LRP1B: variants seen among roughly 807,000 people sequenced by gnomAD.
LRP1B encodes the protein LDL receptor related protein 1B.
In LRP1B, 217 loss-of-function variants were observed where a neutral mutation model predicts 556.6. The ratio of observed to expected loss-of-function variants is 0.39; its 90% CI spans 0.35 to 0.44. The LOEUF (loss-of-function observed/expected upper bound fraction) is 0.44. Among genes scored for constraint, LRP1B ranks in the 20% least tolerant of loss-of-function variants. The probability of loss-of-function intolerance (pLI) is 1.00; values close to 1 mark genes in which losing one functional copy is unlikely to be tolerated. For synonymous variants in LRP1B, 2,047 were observed against 1,865.8 expected (o/e 1.10, Z -2.50); for missense variants, 5,053 against 5,620.8 (o/e 0.90, Z 3.23).
At chr2:142,009,977 T>C (rs1425099447) in intron 1 of LRP1B, among the ~76,000 whole-genome samples, 3 of 152,142 alleles carry the variant, frequency 2.0e-5, no homozygotes, top group Admixed American at 2.0e-4. Flanking sequence ...AGTATACATG[T>C]ATGTGTATAT....
At chr2:140,288,730 G>T (rs532296543) in intron 84 of LRP1B, among the ~76,000 whole-genome samples, 49 of 149,728 alleles carry the variant, frequency 3.3e-4, no homozygotes, top group African/African-American at 1.1e-3. Flanking sequence ...GCCATGCATT[G>T]TTTTTTTTTC....
chr2:141,603,055 A>G (rs1458041159), intron 2 of LRP1B, among the ~76,000 whole-genome samples: 1 of 152,204 alleles, frequency 6.6e-6, no homozygotes, highest in East Asian at 1.9e-4. Context: ...CTCATAAAAG[A>G]CACAAAATAA....
At chr2:141,912,276 T>G (rs989248075) in intron 1 of LRP1B, among the ~76,000 whole-genome samples, 2 of 152,184 alleles carry the variant, frequency 1.3e-5, no homozygotes, top group African/African-American at 4.8e-5. Flanking sequence ...TTTTTATGTA[T>G]AATTCCACTA....
chr2:140,880,913 A>G (rs996733402), intron 25 of LRP1B, among the ~76,000 whole-genome samples: 2 of 152,168 alleles, frequency 1.3e-5, no homozygotes, highest in African/African-American at 4.8e-5. Flanking sequence ...GCACAAGTAT[A>G]TATTCAAAGA....
chr2:141,213,132 T>G (rs576102874), intron 6 of LRP1B, among the ~76,000 whole-genome samples: 1 of 147,184 alleles, frequency 6.8e-6, no homozygotes, highest in African/African-American at 2.6e-5. Context: ...TTTTTTTTTT[T>G]GTAAAGATGA....
chr2:141,871,811 G>T (rs1240691678), intron 1 of LRP1B, among the ~76,000 whole-genome samples: 1 of 151,930 alleles, frequency 6.6e-6, no homozygotes, highest in Non-Finnish European at 1.5e-5. Flanking sequence ...ACACTTCAAA[G>T]TCATACAGAT....
chr2:140,581,210 T>A (rs1353620323), intron 43 of LRP1B, among the ~76,000 whole-genome samples: 1 of 152,226 alleles, frequency 6.6e-6, no homozygotes, highest in Non-Finnish European at 1.5e-5. Flanking sequence ...TCAAAATGAC[T>A]TTAGACACTT....
At chr2:141,069,664 A>T (rs1315531081) in intron 7 of LRP1B, among the ~76,000 whole-genome samples, 1 of 152,022 alleles carries the variant, frequency 6.6e-6, no homozygotes, top group East Asian at 1.9e-4. Flanking sequence ...TGCCAAATCT[A>T]ACTGCCTAAA....
intron 3 of LRP1B, among the ~76,000 whole-genome samples, chr2:141,308,467 T>C (rs1327030372): frequency 6.6e-6 from 1 of 152,204 alleles, no homozygotes; most frequent in Non-Finnish European, 1.5e-5. Context: ...TCATGAATTT[T>C]CAACTCACAA....
chr2:140,365,777 T>C (rs1682733325), intron 71 of LRP1B, among the ~76,000 whole-genome samples: 1 of 151,658 alleles, frequency 6.6e-6, no homozygotes, highest in East Asian at 1.9e-4. Flanking sequence ...ACGTAAGAGA[T>C]ACAATTCATG....
At chr2:140,735,506 A>G (rs1206839972) in intron 35 of LRP1B, among the ~76,000 whole-genome samples, 1 of 152,180 alleles carries the variant, frequency 6.6e-6, no homozygotes, top group African/African-American at 2.4e-5. Flanking sequence ...TCAAATGTTC[A>G]GCAAAGGCAG....
intron 2 of LRP1B, among the ~76,000 whole-genome samples, chr2:141,749,774 G>A (rs1224907406): frequency 2.6e-5 from 4 of 152,078 alleles, no homozygotes; most frequent in Non-Finnish European, 4.4e-5. Flanking sequence ...CAGGGAAATG[G>A]TTAACTAAAT....
intron 20 of LRP1B, among the ~76,000 whole-genome samples, chr2:140,945,059 G>T (rs1695502444): frequency 6.6e-6 from 1 of 152,018 alleles, no homozygotes; most frequent in Non-Finnish European, 1.5e-5. Flanking sequence ...AAAATTTCAG[G>T]ATACAAAGGC....
intron 3 of LRP1B, among the ~76,000 whole-genome samples, chr2:141,413,146 G>A (rs187651409): frequency 5.9e-5 from 9 of 152,144 alleles, no homozygotes; most frequent in Admixed American, 2.6e-4. Context: ...AGGATTGCTT[G>A]AGCCCGGGAG....
At chr2:142,005,716 A>C (rs1442702941) in intron 1 of LRP1B, among the ~76,000 whole-genome samples, 1 of 152,096 alleles carries the variant, frequency 6.6e-6, no homozygotes, top group Non-Finnish European at 1.5e-5. Flanking sequence ...TAATTTATCA[A>C]ACTTGCAAAG....
At chr2:140,431,428 TC>T (rs1281292143) in intron 66 of LRP1B, among the ~76,000 whole-genome samples, 1 of 152,068 alleles carries the variant, frequency 6.6e-6, no homozygotes, top group Non-Finnish European at 1.5e-5. Flanking sequence ...AAACTTGTCA[TC>T]CCTACTATCT....
chr2:141,111,371 T>A lies in LRP1B; in HGVS notation c.1014-49098A>T, dbSNP rs1700745792. Among the ~76,000 whole-genome samples, 2 of 146,944 alleles carry A rather than the reference T, an allele frequency of 1.4e-5. 1 individual carries two copies. Among genetic ancestry groups the A allele is most frequent in the Non-Finnish European group, 3.0e-5 (2 of 66,194 alleles). ...GTACAGTTAATCCTCATTATTCAGA[T>A]TTCATATTTGCAAATTTGTTTACTT... is the stretch of plus-strand genomic sequence containing the variant. On this transcript the variant is annotated intron_variant, in intron 7 of 90. Transcript: ENST00000389484.
chr2:141,146,732 AC>A (rs1413589026), intron 7 of LRP1B, among the ~76,000 whole-genome samples: 5 of 152,178 alleles, frequency 3.3e-5, no homozygotes, highest in African/African-American at 1.2e-4. Context: ...TATGATATTA[AC>A]GCATAGAAGA....
intron 18 of LRP1B, among the ~76,000 whole-genome samples, chr2:140,981,648 A>T (rs2105342752): frequency 6.6e-6 from 1 of 152,300 alleles, no homozygotes; most frequent in South Asian, 2.1e-4. Flanking sequence ...ATATTATCTT[A>T]AACTAATATT....
Sources: allele counts gnomAD v4.1 joint callset (sites outside exome capture counted in the v4.1 genomes callset), GRCh38; gene constraint gnomAD v4.1.1; transcripts MANE v1.5; gene names NCBI Gene and HGNC (gene_info 2026-07-23, HGNC 2026-07-21).